CAP2: variants seen among roughly 807,000 people sequenced by gnomAD.
CAP2 encodes the protein adenylyl cyclase-associated protein 2.
A neutral mutation model predicts 57.7 loss-of-function variants in CAP2; 24 were observed. The ratio of observed to expected loss-of-function variants is 0.42; its 90% CI spans 0.30 to 0.58. The LOEUF is 0.58. CAP2 is among the 20% of genes least tolerant of loss of function. The pLI, the probability that CAP2 is intolerant of heterozygous loss-of-function variation, is 0.22. For synonymous variants in CAP2, 194 were observed against 207.2 expected (o/e 0.94, Z 0.55); for missense variants, 501 against 590.3 (o/e 0.85, Z 1.57).
intron 4 of CAP2, among the ~76,000 whole-genome samples, chr6:17,479,625 T>G (rs1313242821): frequency 6.7e-6 from 1 of 148,658 alleles, no homozygotes; most frequent in Non-Finnish European, 1.5e-5. Flanking sequence ...TTTTTTTTTT[T>G]TTTTGAGACA....
intron 1 of CAP2, among the ~76,000 whole-genome samples, chr6:17,399,697 G>A (rs1758760154): frequency 6.6e-6 from 1 of 152,210 alleles, no homozygotes; most frequent in African/African-American, 2.4e-5. Flanking sequence ...GATACATGGA[G>A]GAAGTAAATA....
intron 4 of CAP2, among the ~76,000 whole-genome samples, chr6:17,483,346 A>G (rs1247764165): frequency 6.6e-6 from 1 of 151,772 alleles, no homozygotes; most frequent in Admixed American, 6.6e-5. Flanking sequence ...TTTTTCCTCC[A>G]TTGTTTTCCT....
Position 17,426,590 on chromosome 6 carries a change from G to T in CAP2, c.122G>T (p.Gly41Val). Residue 41 changes from glycine to valine, a missense_variant and splice_region_variant, in exon 3 of 13, where the codon GGT becomes GTT. Physicochemically the swap from Gly to Val is moderately radical, Grantham distance 109. Coordinates refer to ENST00000229922, the MANE Select transcript of CAP2 (RefSeq NM_006366.3). ...ATAACAAACTGCTCCTTTCCCCAAG[G>T]TGTGGCACCCTCCGTGGAAGCCTTT... Reference protein sequence around the residue: ...NCGEVNGVIAGVAPSVEAFDK... With the variant: ...NCGEVNGVIAVVAPSVEAFDK... The T allele has an allele frequency of 6.2e-7, 1 of 1,612,028 alleles. No individual in the cohort carries two copies. Among genetic ancestry groups the T allele is most frequent in the South Asian group, 1.1e-5 (1 of 91,012 alleles).
intron 2 of CAP2, among the ~76,000 whole-genome samples, chr6:17,423,260 C>T (rs1759494340): frequency 6.6e-6 from 1 of 152,142 alleles, no homozygotes; most frequent in Non-Finnish European, 1.5e-5. Context: ...AATGTGCTGG[C>T]TGGTTTATTT....
intron 4 of CAP2, among the ~76,000 whole-genome samples, chr6:17,496,027 T>TGGG (rs562191454): frequency 2.3e-4 from 10 of 44,312 alleles, no homozygotes; most frequent in Admixed American, 5.7e-4. Flanking sequence ...CGTGTGTGGG[T>TGGG]GGGGGGGGGG....
chr6:17,544,404 A>G (rs1325356506), intron 11 of CAP2, among the ~76,000 whole-genome samples: 1 of 152,200 alleles, frequency 6.6e-6, no homozygotes, highest in African/African-American at 2.4e-5. Context: ...CAACTTGAGA[A>G]GTAGGGTTGG....
chr6:17,541,268 A>G, intron 9 of CAP2, 120 bp downstream of exon 9: 1 of 677,890 alleles, frequency 1.5e-6, no homozygotes, highest in Non-Finnish European at 2.5e-6. Flanking sequence ...GGTACATAAC[A>G]TTTGTATATA....
chr6:17,536,588 G>C (rs375681755), intron 7 of CAP2, among the ~76,000 whole-genome samples: 2 of 152,200 alleles, frequency 1.3e-5, no homozygotes, highest in African/African-American at 4.8e-5. Flanking sequence ...TGAATATGTG[G>C]CTTTTTAGTT....
chr6:17,413,194 A>G lies in CAP2; in HGVS notation c.-1-8361A>G, dbSNP rs1008878015. ...CAGTTGGCTAACCAGGATCTCATAC[A>G]TGTTTTCTCCAGTTTCATGAAACAT... On this transcript the variant is annotated intron_variant, in intron 1 of 12. Coordinates refer to ENST00000229922, the MANE Select transcript of CAP2 (RefSeq NM_006366.3). Among the ~76,000 whole-genome samples, 5 of 152,106 alleles carry G rather than the reference A, an allele frequency of 3.3e-5. 1 individual carries two copies. The highest frequency in any genetic ancestry group is 2.6e-4 in the Admixed American group (4 of 15,268).
At chr6:17,549,789 G>C (rs1763129535) in intron 11 of CAP2, among the ~76,000 whole-genome samples, 1 of 152,148 alleles carries the variant, frequency 6.6e-6, no homozygotes. Flanking sequence ...GAAACAATGA[G>C]AACCCTGATA....
intron 11 of CAP2, among the ~76,000 whole-genome samples, chr6:17,548,225 C>T (rs1391203133): frequency 6.6e-6 from 1 of 151,448 alleles, no homozygotes; most frequent in Non-Finnish European, 1.5e-5. Context: ...AAAAATAGCT[C>T]GTCATGGTGC....
At chr6:17,396,062 C>G (rs1758656381) in intron 1 of CAP2, among the ~76,000 whole-genome samples, 1 of 152,142 alleles carries the variant, frequency 6.6e-6, no homozygotes, top group African/African-American at 2.4e-5. Flanking sequence ...TACTCAACAT[C>G]ATTATTCATC....
At chr6:17,536,142 G>A in intron 7 of CAP2, 1 of 450,950 alleles carries the variant, frequency 2.2e-6, no homozygotes, top group Non-Finnish European at 4.5e-6. Flanking sequence ...TTTTTTCTTG[G>A]GACATCTGAA....
chr6:17,461,476 T>C (rs144626806), intron 3 of CAP2, among the ~76,000 whole-genome samples: 21,156 of 151,804 alleles, frequency 0.14, 4,781 homozygotes, highest in African/African-American at 0.48. Context: ...ATCCACCCAC[T>C]TTGGCCTCCC....
chr6:17,457,473 A>T (rs7754514), intron 3 of CAP2, among the ~76,000 whole-genome samples: 20,568 of 152,252 alleles, frequency 0.14, 4,500 homozygotes, highest in African/African-American at 0.46. Context: ...AAGAAGCAAG[A>T]GGATCGGAAG....
chr6:17,504,173 C>T (rs1204525099), intron 4 of CAP2, among the ~76,000 whole-genome samples: 2 of 152,096 alleles, frequency 1.3e-5, no homozygotes, highest in Non-Finnish European at 1.5e-5. Flanking sequence ...TTGTAACTGG[C>T]AGATACCTTG....
chr6:17,527,919 C>T (rs1977298), intron 7 of CAP2, among the ~76,000 whole-genome samples: 53,759 of 152,056 alleles, frequency 0.35, 10,582 homozygotes, highest in African/African-American at 0.54. Context: ...TCATTATATT[C>T]TTCTGGACTC....
At chr6:17,420,871 T>A (rs1055645444) in intron 1 of CAP2, among the ~76,000 whole-genome samples, 1 of 152,210 alleles carries the variant, frequency 6.6e-6, no homozygotes, top group East Asian at 1.9e-4. Context: ...TTAGGTTCTT[T>A]TGAATTTCAC....
intron 7 of CAP2, among the ~76,000 whole-genome samples, chr6:17,535,814 C>T (rs539731654): frequency 6.6e-6 from 1 of 152,042 alleles, no homozygotes; most frequent in South Asian, 2.1e-4. Flanking sequence ...ATGTTTATTC[C>T]CAAATTTGTC....
Sources: gnomAD v4.1 joint callset for allele counts (sites outside exome capture counted in the v4.1 genomes callset) on GRCh38, gnomAD v4.1.1 for gene constraint, MANE v1.5 for transcripts, NCBI Gene and HGNC (gene_info 2026-07-23, HGNC 2026-07-21) for gene names.